The following FSTL5 variants were observed in gnomAD, a reference collection of about 807,000 sequenced individuals.
The protein encoded by FSTL5 is follistatin like 5, also known as follistatin-related protein 5.
FSTL5 carries 62 observed loss-of-function variants against 89.1 expected under a neutral mutation model. The observed-to-expected ratio is 0.70, with a 90% CI of 0.57 to 0.86. The LOEUF (loss-of-function observed/expected upper bound fraction) is 0.86, where lower values mean the gene tolerates loss of function less well. FSTL5 is among the 40% of genes least tolerant of loss of function. The pLI is 0.00. For synonymous variants in FSTL5, 383 were observed against 346.2 expected, an observed-to-expected ratio of 1.11 and a Z score of -1.18; for missense variants, 1,057 against 1,001.6, an observed-to-expected ratio of 1.06 and a Z score of -0.75.
chr4:161,673,021 C>A (rs907164577), intron 6 of FSTL5, among the ~76,000 whole-genome samples: 9 of 151,926 alleles, frequency 5.9e-5, no homozygotes, highest in Non-Finnish European at 1.3e-4. Context: ...AAATGCTATA[C>A]AAATGCCTGA....
chr4:161,992,916 A>ATG (rs1560957659), intron 3 of FSTL5, among the ~76,000 whole-genome samples: 1,119 of 13,392 alleles, frequency 0.084, 9 homozygotes, highest in East Asian at 0.21. Flanking sequence ...ATATATATAT[A>ATG]TATATATATG....
At chr4:161,457,531 T>C (rs974385066) in intron 14 of FSTL5, among the ~76,000 whole-genome samples, 3 of 152,210 alleles carry the variant, frequency 2.0e-5, no homozygotes, top group South Asian at 4.1e-4. Flanking sequence ...TGTGGTGGAA[T>C]TGCAACGCTG....
At chr4:161,997,530 C>G (rs1378136017) in intron 3 of FSTL5, among the ~76,000 whole-genome samples, 3 of 152,024 alleles carry the variant, frequency 2.0e-5, no homozygotes, top group African/African-American at 7.2e-5. Flanking sequence ...AAATCAAATA[C>G]ACCTTACTAC....
intron 2 of FSTL5, among the ~76,000 whole-genome samples, chr4:162,082,200 G>A (rs912576954): frequency 5.3e-5 from 8 of 151,520 alleles, no homozygotes; most frequent in Non-Finnish European, 1.2e-4. Flanking sequence ...AGTAGTTGGA[G>A]AATAACATTT....
rs542389217 is a variant in FSTL5 at position 161,912,119 on chromosome 4, G to C, written c.409+8285C>G. 1.7e-3 allele frequency among the ~76,000 whole-genome samples: 259 copies of C among 152,216 alleles called. 1 individual carries two copies. Among genetic ancestry groups the C allele is most frequent in the African/African-American group, 5.8e-3 (242 of 41,518 alleles). The stretch of plus-strand genomic sequence containing the variant: ...ATTACATATTCTGAATGTAATCAAT[G>C]AAAAGGTTTTTTTACCACTGTGTTT... On this transcript the variant is annotated intron_variant, in intron 4 of 15. Transcript: ENST00000306100.
intron 6 of FSTL5, among the ~76,000 whole-genome samples, chr4:161,753,002 G>A (rs1249610657): frequency 6.6e-6 from 1 of 152,148 alleles, no homozygotes; most frequent in Non-Finnish European, 1.5e-5. Flanking sequence ...AGAACTATGA[G>A]AAATAAATTT....
At chr4:161,574,608 C>T (rs1009745669) in intron 8 of FSTL5, among the ~76,000 whole-genome samples, 6 of 151,998 alleles carry the variant, frequency 3.9e-5, no homozygotes, top group South Asian at 2.1e-4. Context: ...TGAGAACATA[C>T]GGTGTTTGGT....
intron 10 of FSTL5, among the ~76,000 whole-genome samples, chr4:161,530,947 T>C (rs1211799085): frequency 6.6e-6 from 1 of 152,150 alleles, no homozygotes; most frequent in Non-Finnish European, 1.5e-5. Context: ...ATAAATAATG[T>C]GTTACCTCTA....
intron 2 of FSTL5, among the ~76,000 whole-genome samples, chr4:162,096,949 C>T (rs1730786437): frequency 6.6e-6 from 1 of 151,794 alleles, no homozygotes; most frequent in African/African-American, 2.4e-5. Context: ...GATTGATTAT[C>T]CTTTGTTGTT....
intron 6 of FSTL5, among the ~76,000 whole-genome samples, chr4:161,744,100 A>T (rs912800893): frequency 6.6e-6 from 1 of 152,000 alleles, no homozygotes; most frequent in Non-Finnish European, 1.5e-5. Context: ...TTTTTAAATC[A>T]TCCTGTTTTT....
intron 3 of FSTL5, among the ~76,000 whole-genome samples, chr4:161,994,417 C>T (rs1338075359): frequency 1.3e-5 from 2 of 152,112 alleles, no homozygotes; most frequent in Non-Finnish European, 2.9e-5. Flanking sequence ...ATTGCTGGGT[C>T]GAATGGCAGT....
intron 5 of FSTL5, among the ~76,000 whole-genome samples, chr4:161,761,022 T>C (rs1459933400): frequency 6.6e-6 from 1 of 152,190 alleles, no homozygotes; most frequent in East Asian, 1.9e-4. Flanking sequence ...CAGTGCTAAA[T>C]AGAACTTTTG....
chr4:161,720,237 A>G (rs1044837513), intron 6 of FSTL5, among the ~76,000 whole-genome samples: 2 of 151,890 alleles, frequency 1.3e-5, no homozygotes, highest in African/African-American at 4.8e-5. Flanking sequence ...TAAAAGACAT[A>G]CAAATAGCGT....
At chr4:162,065,070 G>T (rs1738843134) in intron 2 of FSTL5, among the ~76,000 whole-genome samples, 1 of 151,856 alleles carries the variant, frequency 6.6e-6, no homozygotes, top group Non-Finnish European at 1.5e-5. Context: ...AATGAAATTA[G>T]GCCCATGTCT....
At chr4:161,801,115 C>T (rs1200363613) in intron 4 of FSTL5, among the ~76,000 whole-genome samples, 2 of 151,524 alleles carry the variant, frequency 1.3e-5, no homozygotes, top group African/African-American at 2.4e-5. Context: ...ATTAATAAAA[C>T]AGCATTTTGC....
At chr4:161,591,679 A>G (rs1434265290) in intron 7 of FSTL5, among the ~76,000 whole-genome samples, 1 of 152,240 alleles carries the variant, frequency 6.6e-6, no homozygotes, top group Non-Finnish European at 1.5e-5. Flanking sequence ...AATCAGTAAC[A>G]GAGAGCTAAT....
chr4:161,724,887 G>A (rs953856830), intron 6 of FSTL5, among the ~76,000 whole-genome samples: 11 of 152,208 alleles, frequency 7.2e-5, no homozygotes, highest in African/African-American at 2.6e-4. Flanking sequence ...ACTGCTTGTG[G>A]TGTGTTTAGA....
chr4:161,477,123 C>T (rs897058756), intron 13 of FSTL5, among the ~76,000 whole-genome samples: 2 of 147,574 alleles, frequency 1.4e-5, no homozygotes, highest in Non-Finnish European at 3.0e-5. Context: ...ATAAACAAAT[C>T]GTGCCCTAGT....
chr4:161,941,170 A>G (rs1030891114), intron 3 of FSTL5, among the ~76,000 whole-genome samples: 4 of 151,852 alleles, frequency 2.6e-5, no homozygotes, highest in Non-Finnish European at 4.4e-5. Flanking sequence ...ACATAAAAGG[A>G]AACAAGAAGC....
Sources: allele counts gnomAD v4.1 joint callset (sites outside exome capture counted in the v4.1 genomes callset), GRCh38; gene constraint gnomAD v4.1.1; transcripts MANE v1.5; gene names NCBI Gene and HGNC (gene_info 2026-07-23, HGNC 2026-07-21).